The following MAP3K20 variants were observed in gnomAD, a reference collection of about 807,000 sequenced individuals.
MAP3K20 encodes the protein mitogen-activated protein kinase kinase kinase 20.
In MAP3K20, 40 loss-of-function variants were observed where a neutral mutation model predicts 85.7. The ratio of observed to expected loss-of-function variants is 0.47; its 90% CI spans 0.36 to 0.61. The LOEUF (loss-of-function observed/expected upper bound fraction) is 0.61. Among genes scored for constraint, MAP3K20 ranks in the 20% least tolerant of loss-of-function variants. The probability of loss-of-function intolerance (pLI) is 0.00; values close to 1 mark genes in which losing one functional copy is unlikely to be tolerated. For missense variants in MAP3K20, 817 were observed against 961.7 expected (o/e 0.85, Z 1.99); for synonymous variants, 325 against 327.7 (o/e 0.99, Z 0.09).
intron 2 of MAP3K20, among the ~76,000 whole-genome samples, chr2:173,150,818 T>C (rs906787424): frequency 6.6e-6 from 1 of 152,160 alleles, no homozygotes; most frequent in African/African-American, 2.4e-5. Context: ...CGCCTTGACC[T>C]CCCAAAGTGC....
At chr2:173,255,264 G>A (rs143299292) in intron 16 of MAP3K20, among the ~76,000 whole-genome samples, 2 of 152,210 alleles carry the variant, frequency 1.3e-5, no homozygotes, top group African/African-American at 2.4e-5. Context: ...TCCTTCTTCC[G>A]CCTGCCTGTT....
chr2:173,171,578 C>G (rs1407475121), intron 3 of MAP3K20, among the ~76,000 whole-genome samples: 1 of 152,190 alleles, frequency 6.6e-6, no homozygotes, highest in Non-Finnish European at 1.5e-5. Flanking sequence ...TCTTAGCCAG[C>G]ATATTTCCCC....
intron 16 of MAP3K20, among the ~76,000 whole-genome samples, chr2:173,248,257 G>A (rs1684966214): frequency 1.3e-5 from 2 of 152,164 alleles, no homozygotes; most frequent in South Asian, 4.1e-4. Flanking sequence ...AGTTCTCACG[G>A]TCAGTGAGGA....
chr2:173,183,075 AGT>A (rs1431901657), intron 4 of MAP3K20, 120 bp downstream of exon 4: 1 of 742,864 alleles, frequency 1.3e-6, no homozygotes, highest in African/African-American at 1.9e-5. Context: ...CCAGACCAAA[AGT>A]AGTAAGAATT....
At chr2:173,188,982 A>G (rs1208350150) in intron 5 of MAP3K20, among the ~76,000 whole-genome samples, 7 of 152,184 alleles carry the variant, frequency 4.6e-5, no homozygotes, top group South Asian at 2.1e-4. Flanking sequence ...TTTCCCTGCT[A>G]TCATTATGAA....
At chr2:173,239,306 AT>A in intron 15 of MAP3K20, 97 bp from the exon 16 acceptor site, 1 of 965,326 alleles carries the variant, frequency 1.0e-6, no homozygotes, top group Non-Finnish European at 1.5e-6. Context: ...ATAGATTAGA[AT>A]AGAAAAAAAA....
At chr2:173,184,505 G>A (rs1036562866) in intron 4 of MAP3K20, among the ~76,000 whole-genome samples, 5 of 152,126 alleles carry the variant, frequency 3.3e-5, no homozygotes, top group African/African-American at 1.2e-4. Context: ...ACATCATCCC[G>A]ACTGAGGGAT....
At chr2:173,080,636 C>T (rs1467442310) in intron 1 of MAP3K20, among the ~76,000 whole-genome samples, 2 of 152,160 alleles carry the variant, frequency 1.3e-5, no homozygotes, top group South Asian at 2.1e-4. Context: ...GTTACATTAG[C>T]GATTAAGTAA....
intron 15 of MAP3K20, 30 bp from the exon 16 acceptor site, chr2:173,239,374 G>A: frequency 6.4e-7 from 1 of 1,565,364 alleles, no homozygotes; most frequent in Non-Finnish European, 8.6e-7. Flanking sequence ...ACAACATCTA[G>A]AATAATTGGT....
At chr2:173,117,873 T>C (rs1188777860) in intron 2 of MAP3K20, among the ~76,000 whole-genome samples, 3 of 152,204 alleles carry the variant, frequency 2.0e-5, no homozygotes, top group Admixed American at 1.3e-4. Context: ...GATGAATTCA[T>C]GATGTCATTC....
At chr2:173,086,128 C>T (rs1222578902) in intron 1 of MAP3K20, among the ~76,000 whole-genome samples, 3 of 151,970 alleles carry the variant, frequency 2.0e-5, no homozygotes, top group East Asian at 1.9e-4. Flanking sequence ...GAGATGAAAA[C>T]GTTGGATTTG....
chr2:173,221,263 G>A lies in MAP3K20; in HGVS notation c.987+4013G>A, dbSNP rs565722397. 34 of 1,614,020 alleles carry A rather than the reference G, an allele frequency of 2.1e-5. No individual in the cohort carries two copies. In the South Asian group the frequency reaches 3.4e-4, roughly 16 times the overall value. ...AGATCACAGCAACAAGTAACGGGGA[G>A]GGCCATGGCATGAACCCAAGTCTGC... On this transcript the variant is annotated intron_variant, in intron 11 of 19. Transcript: ENST00000375213.
intron 2 of MAP3K20, among the ~76,000 whole-genome samples, chr2:173,103,185 G>A (rs1687683820): frequency 6.6e-6 from 1 of 152,184 alleles, no homozygotes; most frequent in Admixed American, 6.5e-5. Flanking sequence ...AGTTGTGAAA[G>A]CGAGGGACTT....
Position 173,266,147 on chromosome 2 carries a change from G to T in MAP3K20, c.1800G>T (p.Pro600=), listed in dbSNP as rs765221856. 1 of 1,613,860 alleles carries T rather than the reference G, an allele frequency of 6.2e-7. No individual in the cohort carries two copies. The highest frequency in any genetic ancestry group is 2.2e-5 in the East Asian group (1 of 44,874). Residue 600 remains proline (P), a synonymous_variant, in exon 20 of 20, where the codon CCG becomes CCT. Coordinates refer to ENST00000375213, the MANE Select transcript of MAP3K20 (RefSeq NM_016653.3). ...AGAGCAATCCTATTCTGGGGTCACC[G>T]TTCTTCTCACACTTTGATGGCCAGG... ...RSQSNPILGS[P]FFSHFDGQDS... is the part of the protein sequence containing the mutation.
intron 14 of MAP3K20, among the ~76,000 whole-genome samples, chr2:173,237,542 C>G (rs979388656): frequency 6.6e-6 from 1 of 152,198 alleles, no homozygotes; most frequent in African/African-American, 2.4e-5. Context: ...CTTTTTTACT[C>G]TCTCTGCAAT....
intron 2 of MAP3K20, among the ~76,000 whole-genome samples, chr2:173,142,494 A>G (rs1689006380): frequency 6.6e-6 from 1 of 151,882 alleles, no homozygotes; most frequent in Non-Finnish European, 1.5e-5. Context: ...AAAGTAGTAT[A>G]TATATATCAC....
chr2:173,076,144 C>T (rs1181664515), intron 1 of MAP3K20, 142 bp downstream of exon 1: 1 of 561,444 alleles, frequency 1.8e-6, no homozygotes, highest in East Asian at 1.5e-4. Context: ...CCTCGGGGCT[C>T]CCCTCCCCGA....
intron 2 of MAP3K20, among the ~76,000 whole-genome samples, chr2:173,156,702 C>T (rs1689483406): frequency 6.6e-6 from 1 of 152,202 alleles, no homozygotes; most frequent in Admixed American, 6.5e-5. Context: ...GCTCGCTCGC[C>T]AGCTGCTCAC....
At chr2:173,241,388 G>T (rs1263057567) in intron 16 of MAP3K20, among the ~76,000 whole-genome samples, 2 of 152,112 alleles carry the variant, frequency 1.3e-5, no homozygotes, top group African/African-American at 4.8e-5. Flanking sequence ...TGAGGCTGGG[G>T]GATCGCTTGA....
Sources: allele counts gnomAD v4.1 joint callset (sites outside exome capture counted in the v4.1 genomes callset), GRCh38; gene constraint gnomAD v4.1.1; transcripts MANE v1.5; gene names NCBI Gene and HGNC (gene_info 2026-07-23, HGNC 2026-07-21).